Variants in SLIT2 observed in about 807,000 individuals in gnomAD.
The protein encoded by SLIT2 is slit homolog 2 protein.
SLIT2 carries 41 observed loss-of-function variants against 185.7 expected under a neutral mutation model. The ratio of observed to expected loss-of-function variants is 0.22; its 90% CI spans 0.17 to 0.29. The LOEUF (loss-of-function observed/expected upper bound fraction) is 0.29. SLIT2 is among the 10% of genes least tolerant of loss of function. The probability of loss-of-function intolerance (pLI) is 1.00; values close to 1 mark genes in which losing one functional copy is unlikely to be tolerated. For missense variants in SLIT2, 1,571 were observed against 1,909.0 expected (o/e 0.82, Z 3.30); for synonymous variants, 693 against 680.2 (o/e 1.02, Z -0.29).
intron 4 of SLIT2, among the ~76,000 whole-genome samples, chr4:20,454,333 A>T (rs915797167): frequency 1.3e-5 from 2 of 152,186 alleles, no homozygotes; most frequent in African/African-American, 4.8e-5. Flanking sequence ...AAATACATGA[A>T]AATAATTCTT....
intron 9 of SLIT2, among the ~76,000 whole-genome samples, chr4:20,506,737 C>T (rs1719244901): frequency 6.6e-6 from 1 of 151,864 alleles, no homozygotes; most frequent in Non-Finnish European, 1.5e-5. Context: ...ATTGTTTCTC[C>T]ACTAAATAAG....
At chr4:20,531,589 G>A (rs550960303) in intron 16 of SLIT2, among the ~76,000 whole-genome samples, 40 of 152,242 alleles carry the variant, frequency 2.6e-4, no homozygotes, top group African/African-American at 9.6e-4. Flanking sequence ...AAGGGTAAAT[G>A]TTCTGGCATG....
intron 18 of SLIT2, among the ~76,000 whole-genome samples, chr4:20,537,705 G>C (rs538390678): frequency 6.6e-6 from 1 of 152,018 alleles, no homozygotes; most frequent in South Asian, 2.1e-4. Context: ...CCAAACTCAG[G>C]GTAGTTAATC....
At chr4:20,479,621 C>A (rs1236234621) in intron 5 of SLIT2, among the ~76,000 whole-genome samples, 1 of 145,116 alleles carries the variant, frequency 6.9e-6, no homozygotes, top group Non-Finnish European at 1.6e-5. Context: ...TAAACAACTG[C>A]TTGTTCAGAA....
chr4:20,480,500 A>C (rs930579157), intron 5 of SLIT2, among the ~76,000 whole-genome samples: 27 of 152,156 alleles, frequency 1.8e-4, no homozygotes, highest in African/African-American at 6.0e-4. Context: ...GAGCTTTCCA[A>C]GGGCTGCTAT....
chr4:20,581,571 C>A (rs946432765), intron 29 of SLIT2, among the ~76,000 whole-genome samples: 10 of 152,128 alleles, frequency 6.6e-5, no homozygotes, highest in Admixed American at 4.6e-4. Flanking sequence ...TCTCTTTCCC[C>A]CATGCTTATT....
intron 4 of SLIT2, among the ~76,000 whole-genome samples, chr4:20,441,709 A>G (rs1729767669): frequency 2.0e-5 from 3 of 152,182 alleles, no homozygotes; most frequent in Admixed American, 2.0e-4. Flanking sequence ...TCCAAGATCC[A>G]GAAAGGCTTT....
chr4:20,463,317 A>G (rs1263801380), intron 4 of SLIT2, among the ~76,000 whole-genome samples: 1 of 151,402 alleles, frequency 6.6e-6, no homozygotes, highest in East Asian at 1.9e-4. Context: ...ATCTCATTTG[A>G]TTTGGAAGGT....
At chr4:20,494,411 A>G (rs1466246599) in intron 9 of SLIT2, among the ~76,000 whole-genome samples, 1 of 152,184 alleles carries the variant, frequency 6.6e-6, no homozygotes. Flanking sequence ...GAGAAGCGGG[A>G]CCAAAACTGG....
At chr4:20,436,217 C>G (rs1027797106) in intron 4 of SLIT2, among the ~76,000 whole-genome samples, 2 of 152,220 alleles carry the variant, frequency 1.3e-5, no homozygotes, top group Non-Finnish European at 2.9e-5. Flanking sequence ...AGATTACTCT[C>G]CTTGCACAAA....
chr4:20,556,738 C>T (rs768543440), intron 26 of SLIT2, among the ~76,000 whole-genome samples: 7 of 125,434 alleles, frequency 5.6e-5, no homozygotes, highest in Non-Finnish European at 8.1e-5. Context: ...TTAACAACAA[C>T]AACAACAACA....
At position 20,567,385 on chromosome 4, in the gene SLIT2, A is replaced by G; in HGVS notation, c.2849A>G (p.Lys950Arg). 1 of 1,613,258 alleles carries G rather than the reference A, an allele frequency of 6.2e-7. No individual in the cohort carries two copies. The highest frequency in any genetic ancestry group is 8.5e-7 in the Non-Finnish European group (1 of 1,179,424). Residue 950 changes from lysine (K) to arginine (R), a missense_variant and splice_region_variant, in exon 27 of 37, where the codon AAG (lysine) becomes AGG (arginine). Lys to Arg is a conservative substitution (Grantham distance 26). This residue lies in a region of SLIT2 where 1,202 missense variants were observed against 1,416.4 expected (regional missense o/e 0.85). Transcript: ENST00000504154. ...CGATGCACCTGTCCATATGGTTTCA[A>G]GGTAAGTAAAAGCACTTTAAGAGTC... ...FYRCTCPYGF[K>R]GQDCDVPIHA...
intron 4 of SLIT2, among the ~76,000 whole-genome samples, chr4:20,320,138 G>C (rs1426273542): frequency 6.6e-6 from 1 of 152,076 alleles, no homozygotes; most frequent in African/African-American, 2.4e-5. Context: ...GATATTAGGG[G>C]AAAATCTACA....
At chr4:20,615,395 T>C (rs1358161250) in intron 34 of SLIT2, 1 of 152,176 alleles carries the variant, frequency 6.6e-6, no homozygotes, top group Non-Finnish European at 1.5e-5. Flanking sequence ...CTGAGCTGCA[T>C]GTAGATATTT....
intron 6 of SLIT2, among the ~76,000 whole-genome samples, chr4:20,485,935 A>T (rs1265927428): frequency 6.6e-6 from 1 of 152,236 alleles, no homozygotes; most frequent in Non-Finnish European, 1.5e-5. Flanking sequence ...CACAAGGTAC[A>T]TAAAGTAGAA....
At chr4:20,403,909 A>C (rs1214747084) in intron 4 of SLIT2, among the ~76,000 whole-genome samples, 4 of 149,576 alleles carry the variant, frequency 2.7e-5, no homozygotes, top group African/African-American at 7.4e-5. Flanking sequence ...AAAAAAAAAC[A>C]AAAACAAAAG....
intron 8 of SLIT2, among the ~76,000 whole-genome samples, 163 bp downstream of exon 8, chr4:20,489,145 G>A (rs529676422): frequency 6.6e-6 from 1 of 152,312 alleles, no homozygotes; most frequent in Admixed American, 6.5e-5. Flanking sequence ...TATGTTCTGA[G>A]ACCTCACTAT....
chr4:20,507,049 T>C (rs139454858), intron 9 of SLIT2, among the ~76,000 whole-genome samples: 1 of 152,148 alleles, frequency 6.6e-6, no homozygotes, highest in African/African-American at 2.4e-5. Flanking sequence ...AATGCAATAG[T>C]TTGCAATGTG....
At chr4:20,463,515 A>ATG (rs375793654) in intron 4 of SLIT2, among the ~76,000 whole-genome samples, 17,772 of 111,488 alleles carry the variant, frequency 0.16, 1,595 homozygotes, top group Middle Eastern at 0.29. Context: ...ATATCCATAT[A>ATG]TGTGTGTGTG....
Sources: gnomAD v4.1 joint callset for allele counts (sites outside exome capture counted in the v4.1 genomes callset) on GRCh38, gnomAD v4.1.1 for gene constraint, gnomAD v4.1.1 regional missense constraint, MANE v1.5 for transcripts, NCBI Gene and HGNC (gene_info 2026-07-23, HGNC 2026-07-21) for gene names.